SYN3: variants seen among roughly 807,000 people sequenced by gnomAD.
SYN3 encodes synapsin-3.
SYN3 carries 35 observed loss-of-function variants against 65.8 expected under a neutral mutation model. The ratio of observed to expected loss-of-function variants is 0.53; its 90% CI spans 0.41 to 0.70. The LOEUF (loss-of-function observed/expected upper bound fraction) is 0.70, where lower values mean the gene tolerates loss of function less well. SYN3 is among the 30% of genes least tolerant of loss of function. SYN3 has a pLI of 0.00. For synonymous variants in SYN3, 270 were observed against 292.9 expected, an observed-to-expected ratio of 0.92 and a Z score of 0.80; for missense variants, 680 against 749.0, an observed-to-expected ratio of 0.91 and a Z score of 1.08.
chr22:32,667,263 G>A (rs1601875432), intron 6 of SYN3, among the ~76,000 whole-genome samples: 2 of 148,874 alleles, frequency 1.3e-5, no homozygotes, highest in African/African-American at 5.0e-5. Flanking sequence ...TTCCTCCCTT[G>A]CTTCCTTCTT....
intron 6 of SYN3, among the ~76,000 whole-genome samples, chr22:32,757,293 CCT>C (rs2045319686): frequency 9.7e-6 from 1 of 103,254 alleles, no homozygotes; most frequent in Admixed American, 1.2e-4. Context: ...GCTCCTCCTA[CCT>C]TTTTTTTTTT....
intron 11 of SYN3, among the ~76,000 whole-genome samples, chr22:32,528,541 G>A (rs1001111985): frequency 2.6e-5 from 4 of 152,154 alleles, no homozygotes; most frequent in Non-Finnish European, 5.9e-5. Context: ...GCACACGCAC[G>A]CACACACATC....
chr22:32,747,164 C>G (rs886791855), intron 6 of SYN3, among the ~76,000 whole-genome samples: 2 of 152,192 alleles, frequency 1.3e-5, no homozygotes, highest in African/African-American at 4.8e-5. Flanking sequence ...CTAAGTAGAG[C>G]AGTTCAATAG....
chr22:32,874,424 C>T (rs180748378), intron 4 of SYN3, among the ~76,000 whole-genome samples: 2 of 152,308 alleles, frequency 1.3e-5, no homozygotes, highest in East Asian at 3.9e-4. Context: ...AAATAATTAA[C>T]GGTAAAGATG....
At chr22:32,679,839 C>CTTTTTTTTTTTGTTTTTTTTTTTTTTTT (rs2060497942) in intron 6 of SYN3, among the ~76,000 whole-genome samples, 1 of 39,150 alleles carries the variant, frequency 2.6e-5, no homozygotes, top group Non-Finnish European at 4.6e-5. Flanking sequence ...TGTTTTTTGG[C>CTTTTTTTTTTTGTTTTTTTTTTTTTTTT]TTTTTTTTTT....
In SYN3 at chr22:32,951,714, T is replaced by A. The variant is rs141094077; in HGVS notation, c.370-20233A>T. ...GGCCAACATGCTTCACAAGTGTGAT[T>A]TTCTGGTGGGCAGGAGGTGACATCA... is the stretch of plus-strand genomic sequence containing the variant. On this transcript the variant is annotated intron_variant, in intron 3 of 13. Transcript: ENST00000358763. Among the ~76,000 whole-genome samples, 58 of 152,308 alleles carry A rather than the reference T, an allele frequency of 3.8e-4. No homozygotes were observed. The East Asian group carries it at 8.5e-3, about 22-fold the overall frequency.
intron 6 of SYN3, among the ~76,000 whole-genome samples, chr22:32,641,063 A>G (rs2059890623): frequency 6.6e-6 from 1 of 152,226 alleles, no homozygotes; most frequent in African/African-American, 2.4e-5. Context: ...TGACCAAACC[A>G]GCCCCACAGA....
chr22:32,799,497 T>G (rs952895676), intron 6 of SYN3, among the ~76,000 whole-genome samples: 7 of 152,228 alleles, frequency 4.6e-5, no homozygotes, highest in African/African-American at 1.7e-4. Flanking sequence ...TTGATACTTA[T>G]ATTCCAGGCA....
intron 4 of SYN3, among the ~76,000 whole-genome samples, chr22:32,879,925 C>A (rs768069672): frequency 6.6e-6 from 1 of 152,196 alleles, no homozygotes; most frequent in Admixed American, 6.5e-5. Flanking sequence ...CTAGTCCCAG[C>A]TCTGCTCTTG....
intron 6 of SYN3, among the ~76,000 whole-genome samples, chr22:32,734,512 G>GACA (rs879302820): frequency 0.01 from 1,499 of 144,798 alleles, 7 homozygotes; most frequent in Non-Finnish European, 0.015. Flanking sequence ...GAGGCAGGCA[G>GACA]GCAGACAGAC....
chr22:33,032,118 G>A (rs59791173), intron 1 of SYN3, among the ~76,000 whole-genome samples: 2,988 of 151,808 alleles, frequency 0.02, 102 homozygotes, highest in African/African-American at 0.067. Context: ...GCTAAGGCAC[G>A]AGAACTGCTT....
chr22:32,945,167 T>C (rs541658748), intron 3 of SYN3, among the ~76,000 whole-genome samples: 4 of 152,314 alleles, frequency 2.6e-5, no homozygotes, highest in South Asian at 4.1e-4. Flanking sequence ...CCAATGACTT[T>C]CTTCACAGAA....
Position 33,020,641 on chromosome 22 carries a change from T to G in SYN3, c.-162-13817A>C, listed in dbSNP as rs1221657446. Among the ~76,000 whole-genome samples, 3 of 152,168 alleles carry G rather than the reference T, an allele frequency of 2.0e-5. No individual in the cohort carries two copies. The East Asian group carries it at 5.8e-4, about 29-fold the overall frequency. ...AGGGGAGAAATTTCTTTTGCAAGAT[T>G]GGGTCATACAAAAGGCCAACCTATA... On this transcript the variant is annotated intron_variant, in intron 1 of 13. Coordinates refer to ENST00000358763, the MANE Select transcript of SYN3 (RefSeq NM_003490.4).
intron 7 of SYN3, among the ~76,000 whole-genome samples, chr22:32,565,956 C>T (rs1174971802): frequency 2.6e-5 from 4 of 152,000 alleles, no homozygotes; most frequent in Non-Finnish European, 5.9e-5. Context: ...TGGTGATCTG[C>T]CCGCCTCGGC....
chr22:32,519,113 G>A (rs991553327), intron 12 of SYN3, among the ~76,000 whole-genome samples: 9 of 152,032 alleles, frequency 5.9e-5, no homozygotes, highest in African/African-American at 2.2e-4. Flanking sequence ...GCAGCCTCCA[G>A]AACTGTGAAA....
intron 6 of SYN3, chr22:32,629,757 G>A (rs939736752): frequency 6.6e-6 from 1 of 152,194 alleles, no homozygotes; most frequent in African/African-American, 2.4e-5. Flanking sequence ...TTTGAATCCT[G>A]ATGGTGCCCT....
chr22:32,799,938 A>G (rs2046523259), intron 6 of SYN3, among the ~76,000 whole-genome samples: 2 of 152,226 alleles, frequency 1.3e-5, no homozygotes, highest in Non-Finnish European at 2.9e-5. Context: ...AAAAACATCG[A>G]GAGACAGAAA....
chr22:32,960,505 G>C (rs996559685), intron 3 of SYN3, among the ~76,000 whole-genome samples: 1 of 152,204 alleles, frequency 6.6e-6, no homozygotes, highest in Non-Finnish European at 1.5e-5. Context: ...CCCCCCGCCT[G>C]CATGTGGCAT....
rs1432191531 is a variant in SYN3 at position 32,931,372 on chromosome 22, T to A, written c.461+18A>T. Reference sequence around the variant, plus strand: ...TATGCAATTCTCAGAAGGTTCTGCATATTTTAATCCTACTTACCTCACCAC... The same window carrying A: ...TATGCAATTCTCAGAAGGTTCTGCAAATTTTAATCCTACTTACCTCACCAC... On this transcript the variant is annotated intron_variant, in intron 4 of 13. Transcript: ENST00000358763. 2.6e-6 allele frequency: 4 copies of A among 1,562,700 alleles called. No homozygotes were observed. The highest frequency in any genetic ancestry group is 3.5e-6 in the Non-Finnish European group (4 of 1,133,412).
Sources: allele counts gnomAD v4.1 joint callset (sites outside exome capture counted in the v4.1 genomes callset), GRCh38; gene constraint gnomAD v4.1.1; transcripts MANE v1.5; gene names NCBI Gene and HGNC (gene_info 2026-07-23, HGNC 2026-07-21).